Variants in CPQ observed in about 807,000 individuals in gnomAD.
CPQ encodes Ser-Met dipeptidase.
In CPQ, 37 loss-of-function variants were observed where a neutral mutation model predicts 45.7. The ratio of observed to expected loss-of-function variants is 0.81; its 90% confidence interval spans 0.62 to 1.07. The LOEUF is 1.07. Ranked by LOEUF, CPQ falls within the 50% of genes least tolerant of loss-of-function variation. The probability of loss-of-function intolerance (pLI) is 0.00; values close to 1 mark genes in which losing one functional copy is unlikely to be tolerated. For synonymous variants in CPQ, 186 were observed against 205.8 expected (o/e 0.90, Z 0.82); for missense variants, 537 against 572.9 (o/e 0.94, Z 0.64).
chr8:97,074,530 G>A (rs1057035320), intron 7 of CPQ, among the ~76,000 whole-genome samples: 1 of 152,192 alleles, frequency 6.6e-6, no homozygotes, highest in Non-Finnish European at 1.5e-5. Flanking sequence ...CCAGGACTTT[G>A]GGAGGCTAAG....
chr8:96,695,824 C>T (rs542667716), intron 1 of CPQ, among the ~76,000 whole-genome samples: 3 of 150,934 alleles, frequency 2.0e-5, no homozygotes, highest in Admixed American at 1.3e-4. Context: ...GAAATAGGAA[C>T]ACTTTTACAC....
intron 2 of CPQ, among the ~76,000 whole-genome samples, chr8:96,811,388 C>A (rs1422611598): frequency 2.0e-5 from 3 of 152,036 alleles, no homozygotes; most frequent in Admixed American, 6.6e-5. Flanking sequence ...TTCTACTAAC[C>A]TTTATTGTAT....
At chr8:96,903,723 C>A (rs1812541916) in intron 4 of CPQ, among the ~76,000 whole-genome samples, 1 of 152,106 alleles carries the variant, frequency 6.6e-6, no homozygotes, top group African/African-American at 2.4e-5. Context: ...AGATTTCAAA[C>A]CCAGGGCTGA....
intron 3 of CPQ, among the ~76,000 whole-genome samples, chr8:96,857,110 G>A (rs1182718249): frequency 6.6e-6 from 1 of 152,200 alleles, no homozygotes; most frequent in Non-Finnish European, 1.5e-5. Flanking sequence ...TTAACTGCCT[G>A]CCTGGCTCTG....
intron 5 of CPQ, among the ~76,000 whole-genome samples, chr8:97,028,516 T>G (rs897404283): frequency 6.6e-6 from 1 of 152,258 alleles, no homozygotes. Context: ...TTCACATTTT[T>G]CTGTCTTTGT....
intron 1 of CPQ, among the ~76,000 whole-genome samples, chr8:96,778,628 T>C (rs981377150): frequency 4.6e-5 from 7 of 152,162 alleles, no homozygotes; most frequent in African/African-American, 1.4e-4. Flanking sequence ...AAAATAAGCA[T>C]TATTATGTTT....
chr8:96,669,381 C>T (rs772586638), intron 1 of CPQ, among the ~76,000 whole-genome samples: 8 of 152,144 alleles, frequency 5.3e-5, no homozygotes, highest in Non-Finnish European at 8.8e-5. Context: ...AGACCCTGCC[C>T]CTCCTTGAGT....
chr8:96,903,660 T>C (rs1586445125), intron 4 of CPQ, among the ~76,000 whole-genome samples: 1 of 152,144 alleles, frequency 6.6e-6, no homozygotes, highest in Non-Finnish European at 1.5e-5. Context: ...AGGTAGAAAA[T>C]TGAGACTCAG....
At chr8:96,709,297 GC>G (rs1554558207) in intron 1 of CPQ, among the ~76,000 whole-genome samples, 1 of 151,958 alleles carries the variant, frequency 6.6e-6, no homozygotes, top group Non-Finnish European at 1.5e-5. Context: ...CAAGCTGTAT[GC>G]CTTTGCATAC....
chr8:96,706,094 A>G lies in CPQ; in HGVS notation c.-35+60692A>G, dbSNP rs561031069. On this transcript the variant is annotated intron_variant, in intron 1 of 7. Coordinates refer to ENST00000220763, the MANE Select transcript of CPQ (RefSeq NM_016134.4). ...TCCTAGGCTGAGGCAAACAGTTGTA[A>G]TGTTAAAGGCTTGCTGACAGCCTGT... Among the ~76,000 whole-genome samples, 5 of 152,226 alleles carry G rather than the reference A, an allele frequency of 3.3e-5. No homozygotes were observed. The East Asian group carries it at 7.7e-4, about 23-fold the overall frequency.
In CPQ at chr8:96,821,126, A is replaced by ATTTTTTT. The variant is rs572906188; in HGVS notation, c.434-13828_434-13822dup. Among the ~76,000 whole-genome samples the ATTTTTTT allele has an allele frequency of 6.8e-3, 410 of 60,672 alleles. 1 individual carries two copies. The highest frequency in any genetic ancestry group is 0.012 in the African/African-American group (164 of 13,520). The allele number at this position is 60,672 out of a possible 152,430, so 39.8% of individuals were successfully genotyped here. On this transcript the variant is annotated intron_variant, in intron 2 of 7. Coordinates refer to ENST00000220763, the MANE Select transcript of CPQ (RefSeq NM_016134.4). ...ACCTTTTGCCCAATATTTAATCTGA[A>ATTTTTTT]TTTTTTTTTTTTTTTTTTTTTTTTT...
At chr8:96,788,075 T>G (rs942957232) in intron 2 of CPQ, among the ~76,000 whole-genome samples, 8 of 119,188 alleles carry the variant, frequency 6.7e-5, no homozygotes, top group African/African-American at 2.6e-4. Context: ...TTTTCTTTTC[T>G]TTCTTTCTTT....
intron 4 of CPQ, among the ~76,000 whole-genome samples, chr8:96,920,784 CAG>C (rs1397005675): frequency 6.6e-6 from 1 of 152,118 alleles, no homozygotes; most frequent in African/African-American, 2.4e-5. Flanking sequence ...TGTGAAGAGA[CAG>C]AGAACAGGCG....
rs143566881 is a variant in CPQ, at chr8:96,669,030, A to G, written c.-35+23628A>G. ...TATGTATTCAGCAAAGACTGAGTGG[A>G]TATCTTAGATGTCTACTCTAATAAG... On this transcript the variant is annotated intron_variant, in intron 1 of 7. Transcript: ENST00000220763. Among the ~76,000 whole-genome samples, 1,077 of 152,330 alleles carry G rather than the reference A, an allele frequency of 7.1e-3. 10 individuals carry two copies. The highest frequency in any genetic ancestry group is 9.7e-3 in the Non-Finnish European group (660 of 68,032).
chr8:96,799,842 C>G (rs149885267), intron 2 of CPQ, among the ~76,000 whole-genome samples: 2 of 152,284 alleles, frequency 1.3e-5, no homozygotes, highest in African/African-American at 4.8e-5. Flanking sequence ...AACATCATGC[C>G]TTCCCAGTAG....
intron 5 of CPQ, among the ~76,000 whole-genome samples, chr8:96,989,492 GGAGGA>G (rs796776955): frequency 2.9e-4 from 43 of 148,188 alleles, no homozygotes; most frequent in Admixed American, 1.2e-3. Flanking sequence ...AGAGGGGAGT[GGAGGA>G]GAGGAGAGGA....
chr8:96,870,101 G>T (rs1482836851), intron 3 of CPQ, among the ~76,000 whole-genome samples: 2 of 151,996 alleles, frequency 1.3e-5, no homozygotes, highest in Non-Finnish European at 2.9e-5. Flanking sequence ...GGGTGGTGAT[G>T]ATCATAACTA....
intron 5 of CPQ, among the ~76,000 whole-genome samples, chr8:96,991,674 A>G (rs1809095402): frequency 6.6e-6 from 1 of 152,028 alleles, no homozygotes; most frequent in Non-Finnish European, 1.5e-5. Flanking sequence ...GCTGCATAAG[A>G]GCAGGGTCTA....
At position 96,785,147 on chromosome 8, in the gene CPQ, C is replaced by G; in HGVS notation, c.250C>G (p.Leu84Val). 1 of 1,613,626 alleles carries G rather than the reference C, an allele frequency of 6.2e-7. No homozygotes were observed. Among genetic ancestry groups the G allele is most frequent in the East Asian group, 2.2e-5 (1 of 44,792 alleles). ...VGPRLSGSKN[L>V]EKAIQIMYQN... is the part of the protein sequence containing the mutation. Reference sequence around the variant, plus strand: ...ACCCAGACTGAGTGGCTCCAAGAACCTAGAAAAAGCCATCCAAATTATGTA... The same window carrying G: ...ACCCAGACTGAGTGGCTCCAAGAACGTAGAAAAAGCCATCCAAATTATGTA... Residue 84 changes from leucine (L) to valine (V), a missense_variant, in exon 2 of 8, where the codon CTA becomes GTA. Transcript: ENST00000220763.
Sources: allele counts gnomAD v4.1 joint callset (sites outside exome capture counted in the v4.1 genomes callset), GRCh38; gene constraint gnomAD v4.1.1; transcripts MANE v1.5; gene names NCBI Gene and HGNC (gene_info 2026-07-23, HGNC 2026-07-21).